TPM1: variants seen among roughly 807,000 people sequenced by gnomAD.
The protein encoded by TPM1 is tropomyosin 1, also known as tropomyosin alpha-1 chain.
TPM1 carries 24 observed loss-of-function variants against 42.9 expected under a neutral mutation model. The ratio of observed to expected loss-of-function variants is 0.56; its 90% CI spans 0.41 to 0.79. TPM1 has a LOEUF of 0.79. Among genes scored for constraint, TPM1 ranks in the 30% least tolerant of loss-of-function variants. TPM1 has a pLI of 0.00. For missense variants in TPM1, 158 were observed against 351.8 expected (o/e 0.45, Z 4.41); for synonymous variants, 136 against 130.1 (o/e 1.05, Z -0.31).
chr15:63,058,025 C>G (rs1596365217), intron 3 of TPM1, among the ~76,000 whole-genome samples: 4 of 152,256 alleles, frequency 2.6e-5, no homozygotes, highest in African/African-American at 9.6e-5. Flanking sequence ...CCACTAGGTA[C>G]CAGGTATAAA....
chr15:63,065,860 C>CT lies in TPM1; in HGVS notation c.852-27dup, dbSNP rs761342774. 1.3e-4 allele frequency: 199 copies of CT among 1,527,100 alleles called. 1 individual carries two copies. The highest frequency in any genetic ancestry group is 8.4e-4 in the Admixed American group (46 of 54,786). 94.6% of individuals were successfully genotyped at this position (1,527,100 alleles called of 1,614,324 possible). On this transcript the variant is annotated intron_variant, in intron 9 of 9. Coordinates refer to ENST00000403994, the MANE Select transcript of TPM1 (RefSeq NM_001018005.2). Reference sequence around the variant, plus strand: ...TTTTTTTTTTTTTCTCATTGTGCCACTTTTTTTTTCCTCCCACCTTTTTAT... The same window carrying CT: ...TTTTTTTTTTTTTCTCATTGTGCCACTTTTTTTTTTCCTCCCACCTTTTTAT...
intron 2 of TPM1, among the ~76,000 whole-genome samples, chr15:63,051,701 C>G (rs915213432): frequency 6.6e-6 from 1 of 152,168 alleles, no homozygotes; most frequent in Non-Finnish European, 1.5e-5. Flanking sequence ...CACTCCAGTT[C>G]AGTCAGGACT....
rs1386686467 is a variant in TPM1, at chr15:63,064,748, G to A, written c.851+606G>A. 8 of 802,512 alleles carry A rather than the reference G, an allele frequency of 1.0e-5. No individual in the cohort carries two copies. In the East Asian group the frequency reaches 7.5e-4, roughly 75 times the overall value. 49.7% of individuals were successfully genotyped at this position (802,512 alleles called of 1,614,324 possible). Reference sequence around the variant, plus strand: ...TGGGAGGCCGAGGCGGGCGGATCACGAGGTCAGGAGATTGAGACCATCCTG... The same window carrying A: ...TGGGAGGCCGAGGCGGGCGGATCACAAGGTCAGGAGATTGAGACCATCCTG... On this transcript the variant is annotated intron_variant, in intron 9 of 9. Coordinates refer to ENST00000403994, the MANE Select transcript of TPM1 (RefSeq NM_001018005.2).
At chr15:63,058,734 G>A (rs576061530) in intron 3 of TPM1, among the ~76,000 whole-genome samples, 1 of 152,156 alleles carries the variant, frequency 6.6e-6, no homozygotes, top group Non-Finnish European at 1.5e-5. Context: ...AAAAATAGTG[G>A]TTCACTTATA....
intron 5 of TPM1, 170 bp downstream of exon 5, chr15:63,061,109 T>A: frequency 6.7e-7 from 1 of 1,482,990 alleles, no homozygotes; most frequent in Non-Finnish European, 9.4e-7. Context: ...GTGTGGGGTG[T>A]CTTATGTATG....
downstream of TPM1, chr15:63,070,829 G>A (rs1421716385): frequency 6.3e-6 from 8 of 1,266,022 alleles, no homozygotes; most frequent in African/African-American, 6.1e-5. Context: ...CAAACCCCAC[G>A]TGCATTTTAT....
intron 4 of TPM1, among the ~76,000 whole-genome samples, chr15:63,060,128 A>T (rs1264673436): frequency 6.6e-6 from 1 of 152,086 alleles, no homozygotes; most frequent in Non-Finnish European, 1.5e-5. Context: ...GTGGTAGAAA[A>T]CTATTATCAA....
At chr15:63,061,574 A>G (rs543039763) in intron 5 of TPM1, 139 bp from the exon 6 acceptor site, 9 of 870,374 alleles carry the variant, frequency 1.0e-5, no homozygotes, top group Middle Eastern at 2.2e-4. Flanking sequence ...AAACATTTTA[A>G]TACCTGATGA....
rs146861835 is a variant in TPM1 at position 63,065,920 on chromosome 15, C to A, written c.*21C>A. 9.3e-6 allele frequency: 15 copies of A among 1,611,118 alleles called. No individual in the cohort carries two copies. In the African/African-American group the frequency reaches 2.0e-4, roughly 22 times the overall value. On this transcript the variant is annotated 3_prime_UTR_variant, in exon 10 of 10. Transcript: ENST00000403994. ...GATAAGTTTCTTTGCTTCACTTCTCCCAAGACTCCCTCGTCGAGCTGGATG... is the reference window on the plus strand; with the variant it reads ...GATAAGTTTCTTTGCTTCACTTCTCACAAGACTCCCTCGTCGAGCTGGATG...
At chr15:63,068,665 C>T (rs2036421443), downstream of TPM1, among the ~76,000 whole-genome samples, 1 of 152,168 alleles carries the variant, frequency 6.6e-6, no homozygotes, top group South Asian at 2.1e-4. Context: ...CGGGCTCTTG[C>T]TTGTCATAGC....
chr15:63,047,379 G>A (rs57645645), intron 2 of TPM1: 20,882 of 152,260 alleles, frequency 0.14, 1,840 homozygotes, highest in East Asian at 0.44. Flanking sequence ...ACAAACCTGA[G>A]GAGAAAAAGC....
chr15:63,063,829 G>A (rs1022068747), intron 8 of TPM1: 1 of 536,090 alleles, frequency 1.9e-6, no homozygotes, highest in Non-Finnish European at 3.3e-6. Context: ...TTTTCATATT[G>A]AGTCTTTTTC....
intron 3 of TPM1, 55 bp downstream of exon 3, chr15:63,057,173 C>A: frequency 1.2e-6 from 2 of 1,610,338 alleles, no homozygotes; most frequent in Non-Finnish European, 1.7e-6. Flanking sequence ...TGGAATAAAC[C>A]GGAGGGCTCC....
intron 2 of TPM1, chr15:63,045,222 T>TTA (rs1006886315): frequency 6.6e-6 from 1 of 151,684 alleles, no homozygotes; most frequent in African/African-American, 2.4e-5. Flanking sequence ...GGTCTTGAAA[T>TTA]TAGTGAAGTC....
rs79297374 is a variant in TPM1 at position 63,060,635 on chromosome 15, T to G, written c.493-234T>G. 0.012 allele frequency among the ~76,000 whole-genome samples: 1,829 copies of G among 152,308 alleles called. 45 individuals are homozygous for G. Among genetic ancestry groups the G allele is most frequent in the African/African-American group, 0.04 (1,650 of 41,558 alleles). ...CGGTTCACCTAGGTCAGACTTCCAA[T>G]TGAGACTGCCCAATCACAGCTAACC... is the stretch of plus-strand genomic sequence containing the variant. On this transcript the variant is annotated intron_variant, in intron 4 of 9. Transcript: ENST00000403994.
intron 3 of TPM1, 107 bp from the exon 4 acceptor site, chr15:63,059,456 A>C: frequency 1.3e-6 from 1 of 798,792 alleles, no homozygotes; most frequent in South Asian, 1.3e-5. Context: ...TCTGTGCTCT[A>C]TTTTGGTCTA....
Position 63,042,911 on chromosome 15 carries a change from G to A in TPM1, c.82G>A (p.Asp28Asn), listed in dbSNP as rs397516391. The A allele has an allele frequency of 3.1e-6, 5 of 1,609,372 alleles. No homozygotes were observed. The South Asian group carries it at 3.3e-5, about 11-fold the overall frequency. ...ALDRAEQAEA[D>N]KKAAEDRSKQ... is the part of the protein sequence containing the mutation. ...GGATCGAGCTGAGCAGGCGGAGGCCGACAAGAAGGCGGCGGAAGACAGGAG... is the reference window on the plus strand; with the variant it reads ...GGATCGAGCTGAGCAGGCGGAGGCCAACAAGAAGGCGGCGGAAGACAGGAG... Residue 28 changes from aspartate to asparagine, a missense_variant, in exon 1 of 10, where the codon GAC (aspartate) becomes AAC (asparagine). By Grantham distance (23) the Asp-to-Asn change is conservative. Around this residue, in one of 4 missense-constraint regions of TPM1, gnomAD observed 24 missense variants for 26.8 expected, o/e 0.89. Coordinates refer to ENST00000403994, the MANE Select transcript of TPM1 (RefSeq NM_001018005.2).
At chr15:63,062,835 A>G in intron 8 of TPM1, 190 bp downstream of exon 8, 1 of 1,531,344 alleles carries the variant, frequency 6.5e-7, no homozygotes, top group Non-Finnish European at 8.7e-7. Flanking sequence ...TCACGAGGTG[A>G]CTAGTTAGCC....
At chr15:63,043,244 C>G (rs1020753047) in intron 1 of TPM1, 6 of 517,728 alleles carry the variant, frequency 1.2e-5, no homozygotes, top group African/African-American at 1.2e-4. Context: ...GAGGAGGACA[C>G]CCGGTTCCTG....
Sources: gnomAD v4.1 joint callset for allele counts (sites outside exome capture counted in the v4.1 genomes callset) on GRCh38, gnomAD v4.1.1 for gene constraint, gnomAD v4.1.1 regional missense constraint, MANE v1.5 for transcripts, NCBI Gene and HGNC (gene_info 2026-07-23, HGNC 2026-07-21) for gene names.